Variants in DMD observed in about 807,000 individuals in gnomAD.
The protein encoded by DMD is mutant dystrophin.
DMD carries 63 observed loss-of-function variants against 330.1 expected under a neutral mutation model. The observed-to-expected ratio is 0.19, with a 90% CI of 0.16 to 0.24. The LOEUF is 0.24. Among genes scored for constraint, DMD ranks in the 10% least tolerant of loss-of-function variants. The pLI is 1.00. For synonymous variants in DMD, 1,223 were observed against 959.8 expected, an observed-to-expected ratio of 1.27 and a Z score of -5.07; for missense variants, 3,344 against 2,684.1, an observed-to-expected ratio of 1.25 and a Z score of -5.43.
intron 1 of DMD, among the ~76,000 whole-genome samples, chrX:33,330,058 T>C (rs1032392766): frequency 9.0e-6 from 1 of 111,261 alleles, no homozygotes; most frequent in Non-Finnish European, 1.9e-5. Context: ...AATAGATATA[T>C]AGATAAATAT....
intron 62 of DMD, among the ~76,000 whole-genome samples, chrX:31,267,801 A>C (rs1222696506): frequency 1.8e-5 from 2 of 112,273 alleles, no homozygotes; most frequent in Non-Finnish European, 3.8e-5. Context: ...CAATTATTTC[A>C]AGCTTGGAAA....
chrX:33,083,642 T>C (rs1279921466), intron 1 of DMD, among the ~76,000 whole-genome samples: 1 of 111,656 alleles, frequency 9.0e-6, no homozygotes, highest in Non-Finnish European at 1.9e-5. Context: ...TTTAAACACA[T>C]GCAAAGACAA....
At chrX:31,677,877 C>T (rs1327154636) in intron 53 of DMD, among the ~76,000 whole-genome samples, 3 of 112,273 alleles carry the variant, frequency 2.7e-5, no homozygotes, top group Non-Finnish European at 5.6e-5. Context: ...GAAATTCAAT[C>T]GAGAACAAGT....
intron 65 of DMD, 142 bp from the exon 66 acceptor site, chrX:31,206,809 T>C (rs2044118795): frequency 5.8e-6 from 3 of 518,059 alleles, no homozygotes; most frequent in Non-Finnish European, 1.0e-5. Context: ...ACCACTGTTT[T>C]ATTAAGATTG....
At chrX:31,444,432 T>G (rs1343030866) in intron 60 of DMD, 49 bp downstream of exon 60, 1 of 1,183,334 alleles carries the variant, frequency 8.5e-7, no homozygotes, top group Non-Finnish European at 1.1e-6. Context: ...ATTTTATCTG[T>G]ATATTATTTT....
chrX:31,311,252 T>TG (rs2055497810), intron 62 of DMD, among the ~76,000 whole-genome samples: 1 of 105,074 alleles, frequency 9.5e-6, no homozygotes, highest in South Asian at 4.5e-4. Flanking sequence ...TGTTCTGGAA[T>TG]GGGGGGCGGG....
At chrX:32,988,066 A>G (rs1476655076) in intron 2 of DMD, among the ~76,000 whole-genome samples, 2 of 111,113 alleles carry the variant, frequency 1.8e-5, no homozygotes, top group South Asian at 7.5e-4. Flanking sequence ...CTTTTTTTAC[A>G]TATGTAAAAT....
chrX:31,739,852 A>ACC (rs2087181041), intron 51 of DMD, among the ~76,000 whole-genome samples: 1 of 107,542 alleles, frequency 9.3e-6, no homozygotes, highest in African/African-American at 3.3e-5. Context: ...CAAAAAAAAA[A>ACC]AAAAAACCTC....
chrX:32,690,179 G>A (rs1428020574), intron 9 of DMD, among the ~76,000 whole-genome samples: 2 of 110,399 alleles, frequency 1.8e-5, no homozygotes, highest in African/African-American at 6.6e-5. Context: ...AAAAACACTA[G>A]AACCAATTTA....
intron 48 of DMD, among the ~76,000 whole-genome samples, chrX:31,868,121 G>C (rs922908058): frequency 1.8e-5 from 2 of 111,787 alleles, no homozygotes; most frequent in Non-Finnish European, 3.8e-5. Flanking sequence ...ATTGGACAAA[G>C]TCAGGATTTA....
At chrX:32,769,903 G>C (rs1257089574) in intron 7 of DMD, among the ~76,000 whole-genome samples, 1 of 110,937 alleles carries the variant, frequency 9.0e-6, no homozygotes, top group African/African-American at 3.3e-5. Flanking sequence ...TCATCTTTAA[G>C]TTCTAGGACA....
chrX:33,149,513 G>A (rs1423315766), intron 1 of DMD, among the ~76,000 whole-genome samples: 1 of 112,133 alleles, frequency 8.9e-6, no homozygotes, highest in Non-Finnish European at 1.9e-5. Flanking sequence ...AGGGGTTGGG[G>A]ACCCCTGCAG....
intron 1 of DMD, among the ~76,000 whole-genome samples, chrX:33,024,866 A>T (rs1468039597): frequency 3.6e-5 from 4 of 111,744 alleles, no homozygotes; most frequent in Non-Finnish European, 7.5e-5. Context: ...GTGAAATGAG[A>T]ATATTAATTG....
intron 7 of DMD, among the ~76,000 whole-genome samples, chrX:32,729,059 C>T (rs942087877): frequency 8.0e-5 from 9 of 111,916 alleles, no homozygotes; most frequent in Admixed American, 2.9e-4. Flanking sequence ...ACGGGCAACA[C>T]GTGTAAGCAA....
At chrX:32,560,197 T>A (rs199707502) in intron 16 of DMD, among the ~76,000 whole-genome samples, 10,044 of 90,319 alleles carry the variant, frequency 0.11, 575 homozygotes, top group African/African-American at 0.2. Context: ...AAAAAAAAAA[T>A]ATATATATAT....
intron 17 of DMD, among the ~76,000 whole-genome samples, chrX:32,520,312 A>G (rs2046295521): frequency 8.9e-6 from 1 of 112,093 alleles, no homozygotes; most frequent in East Asian, 2.8e-4. Flanking sequence ...ATACTCTCCT[A>G]CTATGGTTAT....
intron 55 of DMD, among the ~76,000 whole-genome samples, chrX:31,572,618 C>A (rs2147958306): frequency 8.9e-6 from 1 of 112,547 alleles, no homozygotes; most frequent in African/African-American, 3.2e-5. Flanking sequence ...TCCCTTGCCC[C>A]TTTGAAAGAA....
At chrX:33,009,670 A>T (rs1317549159) in intron 2 of DMD, among the ~76,000 whole-genome samples, 1 of 49,995 alleles carries the variant, frequency 2.0e-5, no homozygotes, top group Non-Finnish European at 4.7e-5. Context: ...GTATATGTGT[A>T]TACGTATATG....
chrX:31,786,346 G>A (rs1166084478), intron 50 of DMD, among the ~76,000 whole-genome samples: 1 of 111,246 alleles, frequency 9.0e-6, no homozygotes, highest in Non-Finnish European at 1.9e-5. Context: ...TATTTTAAAA[G>A]GGAATTCATA....
Sources: allele counts gnomAD v4.1 joint callset (sites outside exome capture counted in the v4.1 genomes callset), GRCh38; gene constraint gnomAD v4.1.1; transcripts MANE v1.5; gene names NCBI Gene and HGNC (gene_info 2026-07-23, HGNC 2026-07-21).